The following ERBB4 variants were observed in gnomAD, a reference collection of about 807,000 sequenced individuals.
The protein encoded by ERBB4 is erb-b2 receptor tyrosine kinase 4.
Under a neutral mutation model 158.0 loss-of-function variants are expected in ERBB4, and 42 were observed. That is an observed-to-expected ratio of 0.27 (90% confidence interval 0.21 to 0.34). The LOEUF (loss-of-function observed/expected upper bound fraction) is 0.34. ERBB4 is among the 10% of genes least tolerant of loss of function. The pLI, the probability that ERBB4 is intolerant of heterozygous loss-of-function variation, is 1.00. For missense variants in ERBB4, 1,333 were observed against 1,624.1 expected (o/e 0.82, Z 3.08); for synonymous variants, 583 against 558.7 (o/e 1.04, Z -0.61).
intron 20 of ERBB4, among the ~76,000 whole-genome samples, chr2:211,434,064 G>T (rs2063799833): frequency 6.6e-6 from 1 of 152,146 alleles, no homozygotes; most frequent in African/African-American, 2.4e-5. Flanking sequence ...GATGAAGAAA[G>T]AGAATACACT....
At chr2:212,457,314 C>T (rs1688344046) in intron 1 of ERBB4, among the ~76,000 whole-genome samples, 1 of 152,062 alleles carries the variant, frequency 6.6e-6, no homozygotes, top group African/African-American at 2.4e-5. Context: ...TTTCTGTTCT[C>T]TTCCTTCCTA....
intron 24 of ERBB4, 139 bp downstream of exon 24, chr2:211,421,868 A>G: frequency 1.5e-6 from 1 of 688,000 alleles, no homozygotes; most frequent in Non-Finnish European, 2.7e-6. Flanking sequence ...CTTTTCCATA[A>G]GTCATGTCAC....
intron 16 of ERBB4, among the ~76,000 whole-genome samples, chr2:211,648,488 A>G (rs1425199200): frequency 6.6e-6 from 1 of 151,786 alleles, no homozygotes; most frequent in African/African-American, 2.4e-5. Flanking sequence ...CTTAGCCAAC[A>G]TTTGACATGT....
rs1264971333 is a variant in ERBB4, at chr2:212,238,563, A to C, written c.83-113660T>G. On this transcript the variant is annotated intron_variant, in intron 1 of 27. Transcript: ENST00000342788. ...ACCTGCATTATTATATAAATTTCAA[A>C]CTTAAATAGTTTTTAAAATGAAGAG... Among the ~76,000 whole-genome samples the C allele has an allele frequency of 4.6e-5, 7 of 152,252 alleles. No individual in the cohort carries two copies. In the East Asian group the frequency reaches 1.4e-3, roughly 29 times the overall value.
intron 1 of ERBB4, among the ~76,000 whole-genome samples, chr2:212,397,328 C>G (rs1438390094): frequency 6.6e-6 from 1 of 151,832 alleles, no homozygotes; most frequent in Non-Finnish European, 1.5e-5. Flanking sequence ...TACAAAACAG[C>G]CAGGCATGGT....
intron 3 of ERBB4, among the ~76,000 whole-genome samples, chr2:211,944,191 ATATATATAC>A (rs1387638424): frequency 2.2e-4 from 19 of 86,146 alleles, no homozygotes; most frequent in African/African-American, 1.1e-3. Context: ...ATATATATAT[ATATATATAC>A]TATATATATA....
chr2:211,499,590 A>C (rs952250525), intron 20 of ERBB4, among the ~76,000 whole-genome samples: 6 of 152,124 alleles, frequency 3.9e-5, no homozygotes, highest in Non-Finnish European at 8.8e-5. Flanking sequence ...CAGATCTTAA[A>C]TACTGTACAC....
At chr2:211,569,500 A>G (rs763177766) in intron 19 of ERBB4, among the ~76,000 whole-genome samples, 6 of 152,240 alleles carry the variant, frequency 3.9e-5, no homozygotes, top group African/African-American at 9.6e-5. Context: ...AAACAGATGC[A>G]TAAGTATTTT....
intron 1 of ERBB4, among the ~76,000 whole-genome samples, chr2:212,458,120 C>T (rs967051817): frequency 6.6e-6 from 1 of 152,024 alleles, no homozygotes; most frequent in African/African-American, 2.4e-5. Flanking sequence ...TAGATACCTA[C>T]TATGTGTCAT....
At chr2:212,427,644 T>G (rs2091942819) in intron 1 of ERBB4, among the ~76,000 whole-genome samples, 1 of 152,186 alleles carries the variant, frequency 6.6e-6, no homozygotes, top group Admixed American at 6.6e-5. Flanking sequence ...CAAATAAATT[T>G]TATTTTCTTG....
At chr2:212,325,894 TTTGC>T (rs1486508122) in intron 1 of ERBB4, among the ~76,000 whole-genome samples, 1 of 150,520 alleles carries the variant, frequency 6.6e-6, no homozygotes, top group Admixed American at 6.6e-5. Context: ...AATGAAATTG[TTTGC>T]TCATAATTTT....
intron 25 of ERBB4, among the ~76,000 whole-genome samples, chr2:211,417,905 A>ATTTG: frequency 6.6e-6 from 1 of 152,286 alleles, no homozygotes. Flanking sequence ...GAGTAATAAA[A>ATTTG]TTTGTTTACC....
At chr2:211,653,471 G>A (rs1039556140) in intron 16 of ERBB4, among the ~76,000 whole-genome samples, 5 of 52,844 alleles carry the variant, frequency 9.5e-5, no homozygotes, top group East Asian at 5.8e-4. Flanking sequence ...CCCGCCCCCC[G>A]CACCCGCCCC....
intron 2 of ERBB4, among the ~76,000 whole-genome samples, chr2:211,981,700 C>T (rs964127602): frequency 1.3e-5 from 2 of 152,158 alleles, no homozygotes; most frequent in Non-Finnish European, 2.9e-5. Flanking sequence ...CACTTTTGTA[C>T]ATACCAAAGC....
At position 212,240,637 on chromosome 2, in the gene ERBB4, C is replaced by CAAAAAAAAAAAAAAAAAAAA. The variant is rs71054188; in HGVS notation, c.83-115754_83-115735dup. ...TGGGCAACAGAGCGACACTCTGGCT[C>CAAAAAAAAAAAAAAAAAAAA]AAAAAAAAAAAAAAAAAAAAAAAAA... On this transcript the variant is annotated intron_variant, in intron 1 of 27. Coordinates refer to ENST00000342788, the MANE Select transcript of ERBB4 (RefSeq NM_005235.3). Among the ~76,000 whole-genome samples the CAAAAAAAAAAAAAAAAAAAA allele has an allele frequency of 1.0e-3, 37 of 35,794 alleles. 1 individual carries two copies. Among genetic ancestry groups the CAAAAAAAAAAAAAAAAAAAA allele is most frequent in the Non-Finnish European group, 1.2e-3 (23 of 18,948 alleles). The allele number at this position is 35,794 out of a possible 152,430, so 23.5% of individuals were successfully genotyped here. A position where few individuals can be genotyped will look rare whatever the true frequency, so the allele number is the denominator to read the frequency against.
intron 1 of ERBB4, among the ~76,000 whole-genome samples, chr2:212,462,322 G>A (rs983225135): frequency 3.3e-5 from 5 of 152,150 alleles, no homozygotes; most frequent in African/African-American, 1.2e-4. Context: ...GAGACAACTG[G>A]CAGAACGGGA....
intron 1 of ERBB4, among the ~76,000 whole-genome samples, chr2:212,406,661 A>T (rs1047988253): frequency 6.6e-6 from 1 of 152,114 alleles, no homozygotes; most frequent in African/African-American, 2.4e-5. Context: ...CACTGTTAAA[A>T]ACCTCTCAGA....
chr2:211,531,845 G>A (rs1219118180), intron 20 of ERBB4, among the ~76,000 whole-genome samples: 1 of 152,062 alleles, frequency 6.6e-6, no homozygotes, highest in Non-Finnish European at 1.5e-5. Flanking sequence ...ATATCAAAGA[G>A]ATACCTGCAC....
intron 1 of ERBB4, among the ~76,000 whole-genome samples, chr2:212,255,527 C>T (rs904875269): frequency 6.6e-6 from 1 of 152,114 alleles, no homozygotes. Flanking sequence ...GTAAGAGGTA[C>T]AGGTTTAGTG....
Sources: allele counts gnomAD v4.1 joint callset (sites outside exome capture counted in the v4.1 genomes callset), GRCh38; gene constraint gnomAD v4.1.1; transcripts MANE v1.5; gene names NCBI Gene and HGNC (gene_info 2026-07-23, HGNC 2026-07-21).